The following SBNO2 variants were observed in gnomAD, a reference collection of about 807,000 sequenced individuals.
The protein encoded by SBNO2 is strawberry notch homolog 2.
Under a neutral mutation model 146.3 loss-of-function variants are expected in SBNO2, and 89 were observed. That is an observed-to-expected ratio of 0.61 (90% CI 0.51 to 0.73). SBNO2 has a LOEUF of 0.73. SBNO2 is among the 30% of genes least tolerant of loss of function. The pLI, the probability that SBNO2 is intolerant of heterozygous loss-of-function variation, is 0.00. For synonymous variants in SBNO2, 1,147 were observed against 892.6 expected (o/e 1.29, Z -5.08); for missense variants, 2,092 against 2,003.7 (o/e 1.04, Z -0.84).
At chr19:1,159,357 T>A (rs1393218569) in intron 1 of SBNO2, among the ~76,000 whole-genome samples, 1 of 148,248 alleles carries the variant, frequency 6.7e-6, no homozygotes, top group Non-Finnish European at 1.5e-5. Flanking sequence ...GAGCGCTTCG[T>A]CCCTCAACAT....
chr19:1,120,421 C>A (rs982869794), intron 11 of SBNO2, among the ~76,000 whole-genome samples: 1 of 152,200 alleles, frequency 6.6e-6, no homozygotes, highest in Admixed American at 6.5e-5. Flanking sequence ...CGCTGGAGTG[C>A]AGTGATACAA....
intron 2 of SBNO2, among the ~76,000 whole-genome samples, chr19:1,152,081 G>A (rs969914791): frequency 6.6e-6 from 1 of 152,204 alleles, no homozygotes; most frequent in Non-Finnish European, 1.5e-5. Context: ...GACGGAACCC[G>A]GAACAGGGAG....
In SBNO2 at chr19:1,108,955, C is replaced by A; in HGVS notation, c.3440G>T (p.Arg1147Leu). The A allele has an allele frequency of 6.5e-7, 1 of 1,541,990 alleles. No homozygotes were observed. The highest frequency in any genetic ancestry group is 8.7e-7 in the Non-Finnish European group (1 of 1,150,148). The change falls in exon 31 of 32, where the codon CGG becomes CTG. Residue 1147 changes from arginine to leucine, a missense_variant. By Grantham distance (102) the Arg-to-Leu change is moderately radical. Transcript: ENST00000361757. ...GCAGTCCTTACCCTCCTGCGCCAGC[C>A]GGCAGTGCCGGTTCCTGCGGACGAG... ...CSHSAWNRHC[R>L]LAQEGKDCLQ... is the part of the protein sequence containing the mutation.
rs779110376 is a variant in SBNO2 at position 1,111,076 on chromosome 19, G to A, written c.2827C>T (p.Leu943=). The A allele has an allele frequency of 1.9e-6, 3 of 1,556,540 alleles. No homozygotes were observed. The highest frequency in any genetic ancestry group is 2.6e-6 in the Non-Finnish European group (3 of 1,151,794). Residue 943 remains leucine (L), a synonymous_variant, in exon 25 of 32, where the codon CTG becomes TTG. Transcript: ENST00000361757. ...TCCCGGCCACCAATGCCCACAGACA[G>A]CAGGCCCTGCTTCATGTCTGCGGGG... ...TFFRDMKQGL[L]SVGIGGRESR... is the part of the protein sequence containing the mutation.
Position 1,108,107 on chromosome 19 carries a change from G to C in SBNO2, c.*113C>G. 1 of 1,201,346 alleles carries C rather than the reference G, an allele frequency of 8.3e-7. No individual in the cohort carries two copies. The highest frequency in any genetic ancestry group is 1.1e-6 in the Non-Finnish European group (1 of 924,424). The allele number at this position is 1,201,346 out of a possible 1,614,324, so 74.4% of individuals were successfully genotyped here. ...TCGGGCGCTGAAGGCACTGCGGCCA[G>C]GGCCTAGGGCTCCTCTGAGCAGTGG... On this transcript the variant is annotated 3_prime_UTR_variant, in exon 32 of 32. Coordinates refer to ENST00000361757, the MANE Select transcript of SBNO2 (RefSeq NM_014963.3).
At position 1,150,497 on chromosome 19, in the gene SBNO2, G is replaced by T. The variant is rs1394955977; in HGVS notation, c.94-1055C>A. Among the ~76,000 whole-genome samples the T allele has an allele frequency of 6.6e-6, 1 of 151,356 alleles. No individual in the cohort carries two copies. The highest frequency in any genetic ancestry group is 1.5e-5 in the Non-Finnish European group (1 of 67,752). ...CGTCACGGATGCCCCCACGGTCACG[G>T]GGGAGACCCTGCCGTCACGGACGCC... On this transcript the variant is annotated intron_variant, in intron 2 of 31. Transcript: ENST00000361757. This position sits in a 1 kb window ranked among gnomAD's most constrained non-coding sequence, Gnocchi z 6.2.
intron 2 of SBNO2, among the ~76,000 whole-genome samples, chr19:1,153,362 C>T (rs1195107739): frequency 1.3e-5 from 2 of 151,324 alleles, no homozygotes; most frequent in Non-Finnish European, 2.9e-5. Context: ...CTCAGCCTCC[C>T]AAGTAGCTGG....
intron 5 of SBNO2, 115 bp downstream of exon 5, chr19:1,127,489 C>T: frequency 2.0e-6 from 2 of 1,001,728 alleles, no homozygotes; most frequent in Non-Finnish European, 3.0e-6. Flanking sequence ...GTGACAGGCA[C>T]AGCCATTGGC....
chr19:1,142,541 G>A (rs552896598), intron 4 of SBNO2, among the ~76,000 whole-genome samples: 4 of 152,102 alleles, frequency 2.6e-5, no homozygotes, highest in Non-Finnish European at 5.9e-5. Flanking sequence ...TTAGCCAGGC[G>A]TGGTGGCGCA....
At chr19:1,152,772 G>T (rs560854965) in intron 2 of SBNO2, among the ~76,000 whole-genome samples, 2 of 152,276 alleles carry the variant, frequency 1.3e-5, no homozygotes, top group East Asian at 3.9e-4. Context: ...CCTGGGTGTT[G>T]GGCTAGGGAG....
intron 1 of SBNO2, among the ~76,000 whole-genome samples, chr19:1,155,419 T>C (rs1402391215): frequency 6.6e-6 from 1 of 151,734 alleles, no homozygotes; most frequent in African/African-American, 2.4e-5. Flanking sequence ...GTCCCAACTG[T>C]CCGCGGCCTC....
At position 1,114,441 on chromosome 19, in the gene SBNO2, T is replaced by A; in HGVS notation, c.1886-19A>T. 1.3e-6 allele frequency: 2 copies of A among 1,500,540 alleles called. No individual in the cohort carries two copies. Among genetic ancestry groups the A allele is most frequent in the Non-Finnish European group, 1.8e-6 (2 of 1,120,044 alleles). 93.0% of individuals were successfully genotyped at this position (1,500,540 alleles called of 1,614,324 possible). On this transcript the variant is annotated intron_variant, in intron 17 of 31. Coordinates refer to ENST00000361757, the MANE Select transcript of SBNO2 (RefSeq NM_014963.3). ...GGTCGCCCTGCAGGGAAGGACAGGGTCACCGAGGGCCAGACCGCAGCAAGG... is the reference window on the plus strand; with the variant it reads ...GGTCGCCCTGCAGGGAAGGACAGGGACACCGAGGGCCAGACCGCAGCAAGG...
intron 4 of SBNO2, among the ~76,000 whole-genome samples, chr19:1,141,071 C>T (rs1270729910): frequency 1.3e-5 from 2 of 151,162 alleles, no homozygotes; most frequent in Non-Finnish European, 3.0e-5. Flanking sequence ...AGAGGCGCCC[C>T]GGAGAAGAGG....
chr19:1,114,820 A>G (rs1204316640), intron 17 of SBNO2, among the ~76,000 whole-genome samples: 1 of 151,168 alleles, frequency 6.6e-6, no homozygotes. Flanking sequence ...ATTTTAGTAG[A>G]GATGGGGTTT....
intron 2 of SBNO2, among the ~76,000 whole-genome samples, chr19:1,149,983 C>A (rs919919498): frequency 2.0e-5 from 3 of 152,142 alleles, no homozygotes; most frequent in African/African-American, 7.2e-5. Context: ...TGCTGCGGGA[C>A]GGGGCCCTGA....
In SBNO2 at chr19:1,109,065, G is replaced by A. The variant is rs1010130146; in HGVS notation, c.3425+70C>T. 1.4e-4 allele frequency: 207 copies of A among 1,526,576 alleles called. No individual in the cohort carries two copies. The highest frequency in any genetic ancestry group is 1.8e-4 in the Non-Finnish European group (199 of 1,136,904). The allele number at this position is 1,526,576 out of a possible 1,614,324, so 94.6% of individuals were successfully genotyped here. A position where few individuals can be genotyped will look rare whatever the true frequency, so the allele number is the denominator to read the frequency against. ...ATCTCCCGCCTCCTCTCAGGGTCTC[G>A]GGAGCCCCCGATCCCCGCCTGGGTC... On this transcript the variant is annotated intron_variant, in intron 30 of 31. Coordinates refer to ENST00000361757, the MANE Select transcript of SBNO2 (RefSeq NM_014963.3). The surrounding 1 kb of genome is among the most constrained non-coding windows in gnomAD (Gnocchi z 4.2).
At position 1,112,998 on chromosome 19, in the gene SBNO2, AG is replaced by A. The variant is rs1273945643; in HGVS notation, c.2248-50del. 6 of 1,515,154 alleles carry A rather than the reference AG, an allele frequency of 4.0e-6. No homozygotes were observed. The highest frequency in any genetic ancestry group is 1.2e-5 in the South Asian group (1 of 80,928). The allele number at this position is 1,515,154 out of a possible 1,614,324, so 93.9% of individuals were successfully genotyped here. ...CCGGCCGTCAGTGTTGTGGCCTCGC[AG>A]GAGTCTGGCCACCCGTGTCTCAGCT... On this transcript the variant is annotated intron_variant, in intron 19 of 31. Coordinates refer to ENST00000361757, the MANE Select transcript of SBNO2 (RefSeq NM_014963.3). The surrounding 1 kb of genome is among the most constrained non-coding windows in gnomAD (Gnocchi z 5.9).
intron 4 of SBNO2, among the ~76,000 whole-genome samples, chr19:1,135,384 G>A (rs1431234211): frequency 6.6e-6 from 1 of 152,200 alleles, no homozygotes; most frequent in Non-Finnish European, 1.5e-5. Flanking sequence ...TGGATTTTGT[G>A]GTATGTGAAT....
At chr19:1,153,204 T>C (rs761971694) in intron 2 of SBNO2, among the ~76,000 whole-genome samples, 4 of 151,176 alleles carry the variant, frequency 2.6e-5, no homozygotes, top group Non-Finnish European at 5.9e-5. Context: ...AAAATAAATA[T>C]ATATATACAC....
Sources: allele counts gnomAD v4.1 joint callset (sites outside exome capture counted in the v4.1 genomes callset), GRCh38; gene constraint gnomAD v4.1.1; non-coding constraint Gnocchi (gnomAD v3.1); transcripts MANE v1.5; gene names NCBI Gene and HGNC (gene_info 2026-07-23, HGNC 2026-07-21).